Variants in SDR42E2 observed in about 807,000 individuals in gnomAD.
The protein encoded by SDR42E2 is short chain dehydrogenase/reductase family 42E, member 2.
A neutral mutation model predicts 10.5 loss-of-function variants in SDR42E2; 20 were observed. The observed-to-expected ratio is 1.90, with a 90% CI of 1.34 to 2.77. SDR42E2 has a LOEUF of 2.77. Ranked by LOEUF, SDR42E2 falls within the 30% of genes most tolerant of loss-of-function variation. The pLI is 0.00. For missense variants in SDR42E2, 162 were observed against 104.2 expected (o/e 1.55, Z -2.42); for synonymous variants, 72 against 39.2 (o/e 1.84, Z -3.12).
chr16:22,167,467 G>A (rs2046553560), intron 4 of SDR42E2, among the ~76,000 whole-genome samples: 1 of 152,078 alleles, frequency 6.6e-6, no homozygotes, highest in African/African-American at 2.4e-5. Context: ...TTACAGGCAG[G>A]AGCCACCGCA....
intron 12 of SDR42E2, among the ~76,000 whole-genome samples, chr16:22,189,503 G>T (rs2046756268): frequency 6.6e-6 from 1 of 152,168 alleles, no homozygotes; most frequent in Admixed American, 6.5e-5. Context: ...CCAAATGCAG[G>T]GTGTGTGTTC....
intron 8 of SDR42E2, among the ~76,000 whole-genome samples, chr16:22,179,509 T>C (rs1023026294): frequency 6.6e-6 from 1 of 152,124 alleles, no homozygotes. Flanking sequence ...AATGAACATG[T>C]TAAATTATAA....
chr16:22,178,217 G>A lies in SDR42E2; in HGVS notation c.672+5G>A, dbSNP rs568824028. On this transcript the variant is annotated splice_donor_5th_base_variant and intron_variant, in intron 8 of 12. Transcript: ENST00000602312. ...AGGCACCTGCCCCGTGTGGCGGTACGTCATCCCCGCCTTCAGGACCCAAGT... is the reference window on the plus strand; with the variant it reads ...AGGCACCTGCCCCGTGTGGCGGTACATCATCCCCGCCTTCAGGACCCAAGT... 2.3e-3 allele frequency: 1,639 copies of A among 702,582 alleles called. 9 individuals carry two copies. The highest frequency in any genetic ancestry group is 1.7e-3 in the Non-Finnish European group (669 of 384,824). The allele number at this position is 702,582 out of a possible 1,614,324, so 43.5% of individuals were successfully genotyped here.
intron 8 of SDR42E2, among the ~76,000 whole-genome samples, chr16:22,178,606 G>A (rs966521361): frequency 6.6e-6 from 1 of 152,180 alleles, no homozygotes; most frequent in African/African-American, 2.4e-5. Flanking sequence ...ACAGCTACAA[G>A]GGGCTATAGG....
chr16:22,164,624 T>G (rs2046520628), intron 1 of SDR42E2, among the ~76,000 whole-genome samples: 1 of 152,170 alleles, frequency 6.6e-6, no homozygotes, highest in Admixed American at 6.5e-5. Flanking sequence ...CCCTAAAGCC[T>G]GCAGAGGGAT....
intron 1 of SDR42E2, among the ~76,000 whole-genome samples, chr16:22,163,139 T>C (rs1423886715): frequency 6.6e-6 from 1 of 152,164 alleles, no homozygotes; most frequent in East Asian, 1.9e-4. Flanking sequence ...TTTGGGTCCA[T>C]TCGCGGTTGT....
At position 22,177,670 on chromosome 16, in the gene SDR42E2, A is replaced by G. The variant is rs542542988; in HGVS notation, c.590-460A>G. On this transcript the variant is annotated intron_variant, in intron 7 of 12. Transcript: ENST00000602312. ...GAAAGAAAAAGAAAAAGGAAAAGGA[A>G]AAGGAAAAAGAGAGACCAAGAGCTA... Among the ~76,000 whole-genome samples, 20 of 152,156 alleles carry G rather than the reference A, an allele frequency of 1.3e-4. No individual in the cohort carries two copies. In the East Asian group the frequency reaches 3.5e-3, roughly 26 times the overall value.
intron 8 of SDR42E2, among the ~76,000 whole-genome samples, chr16:22,180,818 C>T (rs1479109649): frequency 6.6e-6 from 1 of 152,114 alleles, no homozygotes; most frequent in Non-Finnish European, 1.5e-5. Context: ...ACCAGCCTGG[C>T]CAACATGGTG....
chr16:22,179,020 G>T (rs1168349379), intron 8 of SDR42E2, among the ~76,000 whole-genome samples: 1 of 152,000 alleles, frequency 6.6e-6, no homozygotes, highest in Non-Finnish European at 1.5e-5. Flanking sequence ...TATAGTCAGG[G>T]TCTCACTGTA....
chr16:22,168,391 G>C (rs1331804864), intron 4 of SDR42E2, among the ~76,000 whole-genome samples: 4 of 151,866 alleles, frequency 2.6e-5, no homozygotes, highest in Admixed American at 2.6e-4. Context: ...TCAGACTCCT[G>C]AGTAGCTAAG....
intron 7 of SDR42E2, among the ~76,000 whole-genome samples, chr16:22,177,928 GA>G (rs1171929840): frequency 7.1e-6 from 1 of 141,252 alleles, no homozygotes; most frequent in African/African-American, 2.5e-5. Flanking sequence ...GGGGCAGGGG[GA>G]TTGGAGGTGG....
chr16:22,174,405 C>T (rs955775553), intron 7 of SDR42E2, among the ~76,000 whole-genome samples: 3 of 152,046 alleles, frequency 2.0e-5, no homozygotes, highest in Non-Finnish European at 4.4e-5. Flanking sequence ...TCAAGATCAT[C>T]CAGCTGTTAG....
intron 7 of SDR42E2, among the ~76,000 whole-genome samples, chr16:22,177,061 C>T (rs2046650366): frequency 6.6e-6 from 1 of 152,156 alleles, no homozygotes; most frequent in Admixed American, 6.5e-5. Context: ...TGCTGAGAAG[C>T]GGAGGTATTA....
chr16:22,169,549 C>T, intron 5 of SDR42E2, 47 bp downstream of exon 5: 1 of 703,158 alleles, frequency 1.4e-6, no homozygotes, highest in Non-Finnish European at 2.6e-6. Flanking sequence ...CTCCCCCTCT[C>T]TCCCTTCTCC....
intron 1 of SDR42E2, among the ~76,000 whole-genome samples, chr16:22,165,323 A>G (rs1189079705): frequency 6.6e-6 from 1 of 152,124 alleles, no homozygotes; most frequent in African/African-American, 2.4e-5. Context: ...CCTGGCCTCA[A>G]GTGATCCGCC....
chr16:22,187,580 T>C (rs2046744487), intron 12 of SDR42E2, among the ~76,000 whole-genome samples: 1 of 146,022 alleles, frequency 6.8e-6, no homozygotes, highest in Admixed American at 6.9e-5. Context: ...AGGCAACAGA[T>C]GGAGATCCTG....
chr16:22,178,195 C>T lies in SDR42E2; in HGVS notation c.655C>T (p.His219Tyr). ...PGIYGPEEQR[H>Y]LPRVAGHIKK... ...GATCTACGGCCCTGAAGAGCAGAGGCACCTGCCCCGTGTGGCGGTACGTCA... is the reference window on the plus strand; with the variant it reads ...GATCTACGGCCCTGAAGAGCAGAGGTACCTGCCCCGTGTGGCGGTACGTCA... The change falls in exon 8 of 13, where the codon CAC becomes TAC. Residue 219 changes from histidine (H) to tyrosine (Y), a missense_variant. Physicochemically the swap from His to Tyr is moderately conservative, Grantham distance 83. Coordinates refer to ENST00000602312, the MANE Select transcript of SDR42E2 (RefSeq NM_001394319.2). The T allele has an allele frequency of 1.4e-6, 1 of 702,856 alleles. No individual in the cohort carries two copies. The highest frequency in any genetic ancestry group is 1.5e-5 in the South Asian group (1 of 67,596). 43.5% of individuals were successfully genotyped at this position (702,856 alleles called of 1,614,324 possible). A position where few individuals can be genotyped will look rare whatever the true frequency, so the allele number is the denominator to read the frequency against.
In SDR42E2 at chr16:22,172,291, C is replaced by T. The variant is rs566900492; in HGVS notation, c.549C>T (p.Ala183=). 17 of 703,238 alleles carry T rather than the reference C, an allele frequency of 2.4e-5. No homozygotes were observed. Among genetic ancestry groups the T allele is most frequent in the East Asian group, 5.4e-5 (2 of 37,286 alleles). The allele number at this position is 703,238 out of a possible 1,614,324, so 43.6% of individuals were successfully genotyped here. Residue 183 remains alanine (A), a synonymous_variant, in exon 7 of 13, where the codon GCC becomes GCT. Transcript: ENST00000602312. ...ACTACTCCCGAACCAAAGCCATCGC[C>T]GACCAATTGACCCTCATGGCCAATG... The part of the protein sequence containing the change: ...VDHYSRTKAI[A]DQLTLMANGM...
At chr16:22,178,071 T>G in intron 7 of SDR42E2, 59 bp from the exon 8 acceptor site, 1 of 685,838 alleles carries the variant, frequency 1.5e-6, no homozygotes, top group South Asian at 1.5e-5. Flanking sequence ...GGCCTCTCTC[T>G]CCCTCTCCCT....
Sources: allele counts gnomAD v4.1 joint callset (sites outside exome capture counted in the v4.1 genomes callset), GRCh38; gene constraint gnomAD v4.1.1; transcripts MANE v1.5; gene names NCBI Gene and HGNC (gene_info 2026-07-23, HGNC 2026-07-21).